Variants in CCSER2 observed in about 807,000 individuals in gnomAD.
The protein encoded by CCSER2 is coiled-coil serine rich protein 2, also known as serine-rich coiled-coil domain-containing protein 2.
In CCSER2, 46 loss-of-function variants were observed where a neutral mutation model predicts 92.3. The observed-to-expected ratio is 0.50, with a 90% confidence interval of 0.39 to 0.64. The LOEUF is 0.64. CCSER2 is among the 30% of genes least tolerant of loss of function. The pLI is 0.00. For synonymous variants in CCSER2, 433 were observed against 431.4 expected, an observed-to-expected ratio of 1.00 and a Z score of -0.04; for missense variants, 1,244 against 1,238.9, an observed-to-expected ratio of 1.00 and a Z score of -0.06.
intron 3 of CCSER2, chr10:84,389,476 C>A: frequency 5.9e-6 from 2 of 339,028 alleles, no homozygotes; most frequent in South Asian, 4.8e-5. Flanking sequence ...TCTGAATAGT[C>A]AGTTTCACTG....
At position 84,457,280 on chromosome 10, in the gene CCSER2, TA is replaced by T. The variant is rs1845722968; in HGVS notation, c.2065-6652del. ...ATAAAATATATTATATATAATATAT[TA>T]TATATTATATATTATATATAATATG... is the stretch of plus-strand genomic sequence containing the variant. On this transcript the variant is annotated intron_variant, in intron 6 of 9. Coordinates refer to ENST00000372088, the MANE Select transcript of CCSER2 (RefSeq NM_001284240.2). 7.7e-4 allele frequency among the ~76,000 whole-genome samples: 14 copies of T among 18,284 alleles called. No homozygotes were observed. The African/African-American group carries it at 9.2e-3, about 12-fold the overall frequency. The allele number at this position is 18,284 out of a possible 152,430, so 12.0% of individuals were successfully genotyped here. A position where few individuals can be genotyped will look rare whatever the true frequency, so the allele number is the denominator to read the frequency against.
intron 8 of CCSER2, among the ~76,000 whole-genome samples, chr10:84,471,312 T>A (rs1265962631): frequency 6.6e-6 from 1 of 151,960 alleles, no homozygotes; most frequent in East Asian, 1.9e-4. Context: ...TATTACAAAT[T>A]GAGGTCCTGT....
chr10:84,392,173 A>G (rs1289955695), intron 3 of CCSER2: 2 of 544,826 alleles, frequency 3.7e-6, no homozygotes, highest in African/African-American at 1.9e-5. Context: ...GGAATACACT[A>G]CAATCTCAAC....
At chr10:84,502,370 T>C (rs905986336) in intron 9 of CCSER2, among the ~76,000 whole-genome samples, 5 of 129,134 alleles carry the variant, frequency 3.9e-5, no homozygotes, top group African/African-American at 1.0e-4. Flanking sequence ...ATGACTTCTT[T>C]TTTTTTTTTT....
chr10:84,394,782 C>T (rs1183621052), intron 3 of CCSER2, among the ~76,000 whole-genome samples: 1 of 152,008 alleles, frequency 6.6e-6, no homozygotes. Context: ...TCTTCATACA[C>T]CCCACCTATG....
At chr10:84,350,629 G>A (rs1196106572) in intron 1 of CCSER2, among the ~76,000 whole-genome samples, 1 of 152,180 alleles carries the variant, frequency 6.6e-6, no homozygotes, top group Non-Finnish European at 1.5e-5. Flanking sequence ...TGCTTTCACA[G>A]ATGGACAGCT....
intron 6 of CCSER2, among the ~76,000 whole-genome samples, chr10:84,458,979 A>C (rs1404519191): frequency 2.0e-5 from 3 of 151,060 alleles, no homozygotes; most frequent in Non-Finnish European, 4.4e-5. Context: ...GTATCCTGTG[A>C]TTTTGCTAAA....
intron 1 of CCSER2, among the ~76,000 whole-genome samples, chr10:84,356,993 A>G (rs753866881): frequency 6.6e-6 from 1 of 152,236 alleles, no homozygotes; most frequent in Non-Finnish European, 1.5e-5. Flanking sequence ...GTAAAAAACC[A>G]GTTAGGTGCC....
Position 84,404,098 on chromosome 10 carries a change from C to T in CCSER2, c.1615-13673C>T, listed in dbSNP as rs551528065. On this transcript the variant is annotated intron_variant, in intron 3 of 9. Transcript: ENST00000372088. ...CTAGCTTTAAATTTAACATTCATTACCCAGGTTGCTCTGTAGCCAGATGCC... is the reference window on the plus strand; with the variant it reads ...CTAGCTTTAAATTTAACATTCATTATCCAGGTTGCTCTGTAGCCAGATGCC... 7.9e-5 allele frequency among the ~76,000 whole-genome samples: 12 copies of T among 152,256 alleles called. No individual in the cohort carries two copies. The East Asian group carries it at 1.9e-3, about 25-fold the overall frequency.
rs184738848 is a variant in CCSER2 at position 84,486,867 on chromosome 10, A to G, written c.2325+9203A>G. 2.7e-3 allele frequency among the ~76,000 whole-genome samples: 410 copies of G among 152,248 alleles called. 3 individuals carry two copies. The highest frequency in any genetic ancestry group is 9.1e-3 in the African/African-American group (377 of 41,538). Reference sequence around the variant, plus strand: ...GCCTAGGCTTTCTTCTAGAGTTTTTATGGTTTTAGGTCTAACATTTAAGTC... The same window carrying G: ...GCCTAGGCTTTCTTCTAGAGTTTTTGTGGTTTTAGGTCTAACATTTAAGTC... On this transcript the variant is annotated intron_variant, in intron 9 of 9. Transcript: ENST00000372088.
At chr10:84,367,784 A>T (rs1280864230) in intron 1 of CCSER2, among the ~76,000 whole-genome samples, 3 of 136,942 alleles carry the variant, frequency 2.2e-5, no homozygotes, top group Non-Finnish European at 3.2e-5. Context: ...TTTTCAATTT[A>T]CCTGTTTTGT....
chr10:84,493,609 G>A (rs1031361086), intron 9 of CCSER2, among the ~76,000 whole-genome samples: 4 of 152,090 alleles, frequency 2.6e-5, no homozygotes, highest in East Asian at 1.9e-4. Flanking sequence ...TGAGTTTTCC[G>A]AGAAAGGAAC....
At chr10:84,408,057 A>T (rs1050415259) in intron 3 of CCSER2, among the ~76,000 whole-genome samples, 9 of 152,114 alleles carry the variant, frequency 5.9e-5, no homozygotes, top group Non-Finnish European at 7.4e-5. Context: ...GTGTGATTTG[A>T]ACTTCCCAGG....
chr10:84,462,810 T>C (rs533115815), intron 6 of CCSER2, among the ~76,000 whole-genome samples: 31 of 152,298 alleles, frequency 2.0e-4, no homozygotes, highest in African/African-American at 7.5e-4. Context: ...TACAGTACAA[T>C]AAATTAAGAA....
intron 6 of CCSER2, among the ~76,000 whole-genome samples, chr10:84,439,827 T>G (rs1031934254): frequency 4.6e-5 from 7 of 152,238 alleles, no homozygotes; most frequent in Admixed American, 2.0e-4. Context: ...TACAGCCTAG[T>G]TCAACTGTAA....
chr10:84,421,824 A>G (rs752381291), intron 4 of CCSER2, among the ~76,000 whole-genome samples: 2 of 152,216 alleles, frequency 1.3e-5, no homozygotes, highest in Non-Finnish European at 2.9e-5. Flanking sequence ...ACCTAGGGAA[A>G]ACCCTGATTT....
At chr10:84,456,427 A>G (rs970704611) in intron 6 of CCSER2, among the ~76,000 whole-genome samples, 1 of 151,952 alleles carries the variant, frequency 6.6e-6, no homozygotes, top group Non-Finnish European at 1.5e-5. Context: ...TCGTTTCTGT[A>G]TATTGCAGAG....
intron 3 of CCSER2, among the ~76,000 whole-genome samples, chr10:84,409,509 A>G (rs1213144721): frequency 6.6e-6 from 1 of 151,672 alleles, no homozygotes; most frequent in Non-Finnish European, 1.5e-5. Context: ...TGTATATTAT[A>G]GTGTTTTTAT....
Position 84,372,221 on chromosome 10 carries a change from T to C in CCSER2, c.1169T>C (p.Leu390Pro). 6.2e-7 allele frequency: 1 copy of C among 1,613,422 alleles called. No individual in the cohort carries two copies. Among genetic ancestry groups the C allele is most frequent in the Non-Finnish European group, 8.5e-7 (1 of 1,179,576 alleles). Residue 390 changes from leucine (L) to proline (P), a missense_variant, in exon 2 of 10, where the codon CTG (leucine) becomes CCG (proline). Coordinates refer to ENST00000372088, the MANE Select transcript of CCSER2 (RefSeq NM_001284240.2). ...AAACATGATGCTAAAATGAGATACC[T>C]GAGTGATGATGTGGATGACATTTCC... ...TMKHDAKMRY[L>P]SDDVDDISLS... is the part of the protein sequence containing the mutation.
Sources: allele counts gnomAD v4.1 joint callset (sites outside exome capture counted in the v4.1 genomes callset), GRCh38; gene constraint gnomAD v4.1.1; transcripts MANE v1.5; gene names NCBI Gene and HGNC (gene_info 2026-07-23, HGNC 2026-07-21).